Variants in SH3GL2 observed in about 807,000 individuals in gnomAD.
The protein encoded by SH3GL2 is endophilin-A1.
SH3GL2 carries 24 observed loss-of-function variants against 46.0 expected under a neutral mutation model. The ratio of observed to expected loss-of-function variants is 0.52; its 90% CI spans 0.38 to 0.73. SH3GL2 has a LOEUF of 0.73. SH3GL2 is among the 30% of genes least tolerant of loss of function. The pLI is 0.00. For synonymous variants in SH3GL2, 196 were observed against 147.1 expected, an observed-to-expected ratio of 1.33 and a Z score of -2.40; for missense variants, 413 against 424.2, an observed-to-expected ratio of 0.97 and a Z score of 0.23.
intron 1 of SH3GL2, among the ~76,000 whole-genome samples, chr9:17,667,352 A>G (rs764997833): frequency 5.0e-4 from 76 of 152,106 alleles, no homozygotes; most frequent in Non-Finnish European, 1.0e-3. Flanking sequence ...AAGAAACCCC[A>G]TGCCCACTGG....
intron 3 of SH3GL2, among the ~76,000 whole-genome samples, chr9:17,764,004 A>G (rs562728843): frequency 6.6e-6 from 1 of 152,306 alleles, no homozygotes; most frequent in African/African-American, 2.4e-5. Flanking sequence ...GGAGGAGGTA[A>G]TTGAGAAGAT....
chr9:17,602,412 A>T (rs536970485), intron 1 of SH3GL2, among the ~76,000 whole-genome samples: 1 of 152,250 alleles, frequency 6.6e-6, no homozygotes, highest in African/African-American at 2.4e-5. Context: ...AACATTTTTA[A>T]AAAAGACTTT....
At chr9:17,690,305 G>A (rs1239312567) in intron 1 of SH3GL2, among the ~76,000 whole-genome samples, 3 of 152,070 alleles carry the variant, frequency 2.0e-5, no homozygotes, top group Non-Finnish European at 1.5e-5. Flanking sequence ...GAGGCCTCAG[G>A]CACTGCATAA....
Position 17,742,780 on chromosome 9 carries a change from A to G in SH3GL2, c.46-4286A>G, listed in dbSNP as rs1822563289. 2.0e-5 allele frequency among the ~76,000 whole-genome samples: 3 copies of G among 152,236 alleles called. No homozygotes were observed. The South Asian group carries it at 6.2e-4, about 31-fold the overall frequency. Reference sequence around the variant, plus strand: ...CTCAATGCTGTACTAAATGGGCACCATTAAAGGTTTTGAACCATCAATGTT... The same window carrying G: ...CTCAATGCTGTACTAAATGGGCACCGTTAAAGGTTTTGAACCATCAATGTT... On this transcript the variant is annotated intron_variant, in intron 1 of 8. Coordinates refer to ENST00000380607, the MANE Select transcript of SH3GL2 (RefSeq NM_003026.5).
chr9:17,678,780 C>A (rs1012563573), intron 1 of SH3GL2, among the ~76,000 whole-genome samples: 8 of 152,104 alleles, frequency 5.3e-5, no homozygotes, highest in Non-Finnish European at 8.8e-5. Context: ...ACATTTAAGT[C>A]TTTAATCCAT....
At chr9:17,749,908 A>G (rs553015911) in intron 2 of SH3GL2, among the ~76,000 whole-genome samples, 1 of 152,328 alleles carries the variant, frequency 6.6e-6, no homozygotes, top group East Asian at 1.9e-4. Flanking sequence ...TTCAAAATAT[A>G]GATACTCCTG....
intron 3 of SH3GL2, among the ~76,000 whole-genome samples, chr9:17,786,127 C>T (rs947952907): frequency 1.3e-5 from 2 of 152,082 alleles, no homozygotes; most frequent in African/African-American, 2.4e-5. Flanking sequence ...AGAATTTGAG[C>T]GTGTAATCCT....
intron 1 of SH3GL2, among the ~76,000 whole-genome samples, chr9:17,713,512 C>A (rs569510711): frequency 6.6e-6 from 1 of 151,106 alleles, no homozygotes; most frequent in Non-Finnish European, 1.5e-5. Context: ...TTATTCTTTT[C>A]TAACACAGAT....
At chr9:17,645,182 T>TTTA (rs1819781790) in intron 1 of SH3GL2, among the ~76,000 whole-genome samples, 2 of 72,704 alleles carry the variant, frequency 2.8e-5, no homozygotes, top group Non-Finnish European at 5.7e-5. Context: ...TTTTTTTTTT[T>TTTA]GCTTTCCATT....
intron 3 of SH3GL2, among the ~76,000 whole-genome samples, chr9:17,766,746 A>G (rs1823330331): frequency 6.6e-6 from 1 of 152,172 alleles, no homozygotes; most frequent in South Asian, 2.1e-4. Flanking sequence ...GACTAGCCAC[A>G]TTTCAGGTGC....
intron 2 of SH3GL2, among the ~76,000 whole-genome samples, chr9:17,758,537 G>C (rs1823070609): frequency 1.7e-5 from 2 of 116,406 alleles, no homozygotes; most frequent in African/African-American, 6.1e-5. Context: ...ACTCCAGCCT[G>C]GGGGAGAGAG....
intron 2 of SH3GL2, among the ~76,000 whole-genome samples, chr9:17,748,254 A>G (rs1217933375): frequency 1.3e-5 from 2 of 152,212 alleles, no homozygotes; most frequent in African/African-American, 4.8e-5. Flanking sequence ...GAAACATTTT[A>G]GGTCTTAAGT....
chr9:17,734,299 C>G (rs10963231), intron 1 of SH3GL2, among the ~76,000 whole-genome samples: 40,606 of 151,996 alleles, frequency 0.27, 6,362 homozygotes, highest in East Asian at 0.5. Context: ...GTCACCACAT[C>G]CATGAGTTTT....
At chr9:17,672,421 C>T (rs1337835233) in intron 1 of SH3GL2, among the ~76,000 whole-genome samples, 1 of 152,128 alleles carries the variant, frequency 6.6e-6, no homozygotes, top group Non-Finnish European at 1.5e-5. Flanking sequence ...GCTCATTAAG[C>T]TCAGGTTAGA....
At chr9:17,742,639 A>G (rs911505868) in intron 1 of SH3GL2, among the ~76,000 whole-genome samples, 1 of 152,182 alleles carries the variant, frequency 6.6e-6, no homozygotes, top group Non-Finnish European at 1.5e-5. Context: ...AATTCAACAA[A>G]TCTTTACTGA....
At chr9:17,763,963 G>A (rs561452577) in intron 3 of SH3GL2, among the ~76,000 whole-genome samples, 11 of 152,156 alleles carry the variant, frequency 7.2e-5, no homozygotes, top group African/African-American at 2.6e-4. Flanking sequence ...TGGGATTAAG[G>A]CTTATTTTTA....
intron 5 of SH3GL2, among the ~76,000 whole-genome samples, chr9:17,788,097 C>G (rs1171399404): frequency 6.6e-6 from 1 of 152,176 alleles, no homozygotes. Context: ...GGAATGTTTG[C>G]TCACTTTTTT....
chr9:17,768,203 C>T (rs989444718), intron 3 of SH3GL2, among the ~76,000 whole-genome samples: 1 of 151,666 alleles, frequency 6.6e-6, no homozygotes, highest in African/African-American at 2.4e-5. Context: ...AACTCTGTCT[C>T]TACTAAAAAT....
intron 1 of SH3GL2, among the ~76,000 whole-genome samples, chr9:17,726,418 A>C (rs1219055360): frequency 6.6e-6 from 1 of 152,154 alleles, no homozygotes; most frequent in Non-Finnish European, 1.5e-5. Flanking sequence ...ACATTTTTAA[A>C]GTGATGTGTT....
Sources: gnomAD v4.1 joint callset for allele counts (sites outside exome capture counted in the v4.1 genomes callset) on GRCh38, gnomAD v4.1.1 for gene constraint, MANE v1.5 for transcripts, NCBI Gene and HGNC (gene_info 2026-07-23, HGNC 2026-07-21) for gene names.